FHDC1: variants seen among roughly 807,000 people sequenced by gnomAD.
FHDC1 encodes the protein FH2 domain-containing protein 1.
In FHDC1, 25 loss-of-function variants were observed where a neutral mutation model predicts 52.6. The ratio of observed to expected loss-of-function variants is 0.48; its 90% CI spans 0.35 to 0.66. The LOEUF is 0.66. Ranked by LOEUF, FHDC1 falls within the 30% of genes least tolerant of loss-of-function variation. The pLI, the probability that FHDC1 is intolerant of heterozygous loss-of-function variation, is 0.01. For missense variants in FHDC1, 1,459 were observed against 1,452.8 expected (o/e 1.00, Z -0.07); for synonymous variants, 616 against 581.5 (o/e 1.06, Z -0.85).
intron 3 of FHDC1, among the ~76,000 whole-genome samples, chr4:152,953,771 C>G (rs1739998049): frequency 6.6e-6 from 1 of 152,220 alleles, no homozygotes; most frequent in Admixed American, 6.5e-5. Context: ...AGAATTGCCC[C>G]AGGGCATCCA....
In FHDC1 at chr4:152,943,312, G is replaced by A; in HGVS notation, c.255G>A (p.Met85Ile). The change falls in exon 2 of 12, where the codon ATG (methionine) becomes ATA (isoleucine). Residue 85 changes from methionine (M) to isoleucine (I), a missense_variant. This residue lies in a region of FHDC1 where 513 missense variants were observed against 581.5 expected (regional missense o/e 0.88). Transcript: ENST00000511601. ...PPPGLPPTTH[M>I]NGYSHLGKKK... ...CAGGCCTACCCCCAACTACTCACATGAACGGCTACAGCCACCTTGGTAAGA... is the reference window on the plus strand; with the variant it reads ...CAGGCCTACCCCCAACTACTCACATAAACGGCTACAGCCACCTTGGTAAGA... The A allele has an allele frequency of 2.0e-6, 3 of 1,486,250 alleles. No individual in the cohort carries two copies. Among genetic ancestry groups the A allele is most frequent in the Non-Finnish European group, 2.7e-6 (3 of 1,105,076 alleles). The allele number at this position is 1,486,250 out of a possible 1,614,324, so 92.1% of individuals were successfully genotyped here. A position where few individuals can be genotyped will look rare whatever the true frequency, so the allele number is the denominator to read the frequency against.
chr4:152,924,008 G>T, the FHDC1 span, among the ~76,000 whole-genome samples: 1 of 151,456 alleles, frequency 6.6e-6, no homozygotes, highest in African/African-American at 2.4e-5. Context: ...TTGACAAATG[G>T]GATCTAATTA....
intron 10 of FHDC1, among the ~76,000 whole-genome samples, chr4:152,969,818 T>A (rs1740582898): frequency 6.6e-6 from 1 of 152,024 alleles, no homozygotes; most frequent in Non-Finnish European, 1.5e-5. Context: ...TACAGGCGCA[T>A]GTCACCACAC....
chr4:152,940,173 C>G (rs1042483503), intron 1 of FHDC1, among the ~76,000 whole-genome samples: 3 of 152,176 alleles, frequency 2.0e-5, no homozygotes, highest in Non-Finnish European at 2.9e-5. Flanking sequence ...CATTGGACAT[C>G]CTGGCCCAGG....
chr4:152,973,512 C>T (rs1031815541), intron 11 of FHDC1, among the ~76,000 whole-genome samples: 11 of 152,242 alleles, frequency 7.2e-5, no homozygotes, highest in African/African-American at 2.4e-4. Context: ...GAGGCCCTCA[C>T]TCCCAGGAAT....
chr4:152,929,245 T>A, the FHDC1 span, among the ~76,000 whole-genome samples: 46 of 152,326 alleles, frequency 3.0e-4, no homozygotes, highest in Admixed American at 6.5e-4. The surrounding 1 kb of genome is among the most constrained non-coding windows in gnomAD (Gnocchi z 4.1). Flanking sequence ...ATTAACCTTT[T>A]ACTAAATACA....
At chr4:152,942,407 G>A (rs993584698) in intron 1 of FHDC1, among the ~76,000 whole-genome samples, 5 of 152,178 alleles carry the variant, frequency 3.3e-5, no homozygotes, top group Non-Finnish European at 7.3e-5. Flanking sequence ...TGATTCCAGG[G>A]AAATGAGCTA....
At chr4:152,934,984 T>C (rs1489275362), upstream of FHDC1, among the ~76,000 whole-genome samples, 2 of 152,240 alleles carry the variant, frequency 1.3e-5, no homozygotes, top group Non-Finnish European at 2.9e-5. Flanking sequence ...GCCTGAACAG[T>C]CAATATTCCT....
At chr4:152,930,199 T>C in the FHDC1 span, among the ~76,000 whole-genome samples, 2 of 152,204 alleles carry the variant, frequency 1.3e-5, no homozygotes, top group East Asian at 1.9e-4. Context: ...AAGCCTAGGG[T>C]ATTACTTGGA....
Position 152,942,045 on chromosome 4 carries a change from C to T in FHDC1, c.-130-883C>T, listed in dbSNP as rs984859358. Reference sequence around the variant, plus strand: ...ACAAACGTGAAGTTCCATAAAAATGCAACCCACTAAAGTAAGTTGGTGACT... The same window carrying T: ...ACAAACGTGAAGTTCCATAAAAATGTAACCCACTAAAGTAAGTTGGTGACT... On this transcript the variant is annotated intron_variant, in intron 1 of 11. Transcript: ENST00000511601. Among the ~76,000 whole-genome samples the T allele has an allele frequency of 2.0e-5, 3 of 152,190 alleles. No homozygotes were observed. The South Asian group carries it at 6.2e-4, about 32-fold the overall frequency.
Position 152,976,985 on chromosome 4 carries a change from C to G in FHDC1, c.*262C>G, listed in dbSNP as rs901866270. 1.9e-4 allele frequency: 63 copies of G among 332,582 alleles called. 1 individual carries two copies. The highest frequency in any genetic ancestry group is 8.0e-4 in the Middle Eastern group (1 of 1,252). The allele number at this position is 332,582 out of a possible 1,614,324, so 20.6% of individuals were successfully genotyped here. A position where few individuals can be genotyped will look rare whatever the true frequency, so the allele number is the denominator to read the frequency against. ...ACCTCCCCCATGCACCCCACCCTCC[C>G]CCAAAGCCCGGATCCCGAGAAAGAT... On this transcript the variant is annotated 3_prime_UTR_variant, in exon 12 of 12. Transcript: ENST00000511601.
Position 152,961,227 on chromosome 4 carries a change from C to G in FHDC1, c.850+383C>G, listed in dbSNP as rs555305489. Among the ~76,000 whole-genome samples the G allele has an allele frequency of 2.8e-4, 19 of 68,330 alleles. No individual in the cohort carries two copies. In the South Asian group the frequency reaches 0.016, roughly 56 times the overall value. The allele number at this position is 68,330 out of a possible 152,430, so 44.8% of individuals were successfully genotyped here. A position where few individuals can be genotyped will look rare whatever the true frequency, so the allele number is the denominator to read the frequency against. On this transcript the variant is annotated intron_variant, in intron 6 of 11. Coordinates refer to ENST00000511601, the MANE Select transcript of FHDC1 (RefSeq NM_001371116.1). ...CCGGGCCCCTGGCCCAGCTGCCTCT[C>G]TCCTCCCTGTCGTGGCCTCTTGGTG...
the FHDC1 span, chr4:152,918,349 T>G: frequency 6.6e-6 from 1 of 152,204 alleles, no homozygotes; most frequent in Non-Finnish European, 1.5e-5. Context: ...ACTTCAACAA[T>G]TTCATTTCTA....
the FHDC1 span, among the ~76,000 whole-genome samples, chr4:152,921,580 T>C: frequency 1.7e-4 from 23 of 138,610 alleles, 1 homozygote; most frequent in South Asian, 5.5e-3. Flanking sequence ...CTTCCTTCCT[T>C]CCTTCCTCCC....
chr4:152,971,615 G>A (rs980820595), intron 10 of FHDC1, among the ~76,000 whole-genome samples: 2 of 152,206 alleles, frequency 1.3e-5, no homozygotes, highest in Admixed American at 1.3e-4. Flanking sequence ...GGGCCTCAGA[G>A]ACTTATTTGT....
At chr4:152,928,146 T>C in the FHDC1 span, 2 of 849,084 alleles carry the variant, frequency 2.4e-6, no homozygotes, top group African/African-American at 3.3e-5. Flanking sequence ...GAAGGCACCA[T>C]CAATGCCACC....
chr4:152,922,809 C>G, the FHDC1 span, among the ~76,000 whole-genome samples: 14 of 151,080 alleles, frequency 9.3e-5, no homozygotes, highest in East Asian at 3.9e-4. Flanking sequence ...ATTCAACAAC[C>G]CTTCATGCTA....
At position 152,954,198 on chromosome 4, in the gene FHDC1, G is replaced by T; in HGVS notation, c.561-19G>T. The T allele has an allele frequency of 6.2e-7, 1 of 1,600,830 alleles. No homozygotes were observed. Among genetic ancestry groups the T allele is most frequent in the Non-Finnish European group, 8.6e-7 (1 of 1,168,356 alleles). The stretch of plus-strand genomic sequence containing the variant: ...CTCCAGCAAACGTGAAATGGAATGT[G>T]ATTCATTGTCTTTTCAAGGTCTCCT... On this transcript the variant is annotated intron_variant, in intron 3 of 11. Coordinates refer to ENST00000511601, the MANE Select transcript of FHDC1 (RefSeq NM_001371116.1).
chr4:152,968,293 A>AT (rs11410287), intron 10 of FHDC1, among the ~76,000 whole-genome samples, 196 bp downstream of exon 10: 11,284 of 144,898 alleles, frequency 0.078, 565 homozygotes, highest in Non-Finnish European at 0.12. Context: ...AGCCTGATAT[A>AT]TTTTTTTTTT....
Sources: gnomAD v4.1 joint callset for allele counts (sites outside exome capture counted in the v4.1 genomes callset) on GRCh38, gnomAD v4.1.1 for gene constraint, gnomAD v4.1.1 regional missense constraint, Gnocchi (gnomAD v3.1) non-coding constraint, MANE v1.5 for transcripts, NCBI Gene and HGNC (gene_info 2026-07-23, HGNC 2026-07-21) for gene names.